The following C11orf65 variants were observed in gnomAD, a reference collection of about 807,000 sequenced individuals.
C11orf65 encodes the protein chromosome 11 open reading frame 65, also known as protein MFI.
C11orf65 carries 38 observed loss-of-function variants against 35.3 expected under a neutral mutation model. The ratio of observed to expected loss-of-function variants is 1.08; its 90% CI spans 0.83 to 1.41. The LOEUF is 1.41. Ranked by LOEUF, C11orf65 falls within the 40% of genes most tolerant of loss-of-function variation. The pLI, the probability that C11orf65 is intolerant of heterozygous loss-of-function variation, is 0.00. For synonymous variants in C11orf65, 105 were observed against 114.4 expected (o/e 0.92, Z 0.53); for missense variants, 370 against 367.1 (o/e 1.01, Z -0.06).
At position 108,377,451 on chromosome 11, in the gene C11orf65, C is replaced by G. The variant is rs1485687198; in HGVS notation, c.226+15757G>C. On this transcript the variant is annotated intron_variant, in intron 2 of 3. Transcript: ENST00000524755. Reference sequence around the variant, plus strand: ...AACAACCCTTCATGCTAAAAACTCTCAATAAATTAGGTATTGATGGGACGT... The same window carrying G: ...AACAACCCTTCATGCTAAAAACTCTGAATAAATTAGGTATTGATGGGACGT... Among the ~76,000 whole-genome samples, 1,043 of 152,232 alleles carry G rather than the reference C, an allele frequency of 6.9e-3. 16 individuals carry two copies. The highest frequency in any genetic ancestry group is 0.023 in the African/African-American group (949 of 41,518).
intron 2 of C11orf65, among the ~76,000 whole-genome samples, chr11:108,459,546 T>C (rs2093446152): frequency 6.6e-6 from 1 of 152,176 alleles, no homozygotes; most frequent in South Asian, 2.1e-4. Context: ...GAAATGTGTC[T>C]AGGCAAGTGT....
chr11:108,397,094 G>A (rs544876064), intron 6 of C11orf65, among the ~76,000 whole-genome samples: 18 of 152,002 alleles, frequency 1.2e-4, no homozygotes, highest in African/African-American at 4.3e-4. Flanking sequence ...GCAAAGGTGG[G>A]CAGGTCATGT....
chr11:108,369,771 A>G (rs1331421411), intron 2 of C11orf65, among the ~76,000 whole-genome samples: 2 of 152,138 alleles, frequency 1.3e-5, no homozygotes, highest in African/African-American at 4.8e-5. Context: ...TTGCTGCCTC[A>G]CTTGATATTT....
At chr11:108,366,783 T>G (rs945977607) in intron 2 of C11orf65, 2 of 230,470 alleles carry the variant, frequency 8.7e-6, no homozygotes, top group African/African-American at 2.2e-5. Context: ...CCTTTTTCAC[T>G]GAGAGTATAA....
chr11:108,438,245 T>A (rs537351227), intron 2 of C11orf65, among the ~76,000 whole-genome samples: 143 of 152,292 alleles, frequency 9.4e-4, no homozygotes, highest in Non-Finnish European at 3.2e-4. Flanking sequence ...TATGCAACAT[T>A]AAATCAAAAT....
chr11:108,421,475 G>T (rs893922716), intron 3 of C11orf65, among the ~76,000 whole-genome samples: 3 of 152,140 alleles, frequency 2.0e-5, no homozygotes, highest in African/African-American at 7.2e-5. Flanking sequence ...GACCAACATG[G>T]TGAAACCCTG....
chr11:108,393,289 A>G lies in C11orf65; in HGVS notation c.650T>C (p.Phe217Ser), dbSNP rs2092213077. Residue 217 changes from phenylalanine to serine, a missense_variant, in exon 7 of 9, where the codon TTT (phenylalanine) becomes TCT (serine). Transcript: ENST00000393084. ...CACAGAATCTATCCCCCCATCTTCA[A>G]AAGCTCTAATCAGCCCCTTTGTTGC... ...HTATKGLIRA[F>S]EDGGIDSVME... 3 of 1,614,110 alleles carry G rather than the reference A, an allele frequency of 1.9e-6. No homozygotes were observed. In the East Asian group the frequency reaches 6.7e-5, roughly 36 times the overall value.
At chr11:108,459,615 A>C (rs997094975) in intron 2 of C11orf65, among the ~76,000 whole-genome samples, 3 of 152,098 alleles carry the variant, frequency 2.0e-5, no homozygotes, top group African/African-American at 7.2e-5. Context: ...AAATTAGATA[A>C]AATTTTTATC....
intron 2 of C11orf65, among the ~76,000 whole-genome samples, chr11:108,453,243 A>C (rs2093373793): frequency 6.6e-6 from 1 of 152,056 alleles, no homozygotes; most frequent in South Asian, 2.1e-4. Flanking sequence ...ATCTTTAATC[A>C]ATCAAAATAA....
At chr11:108,427,825 C>CTTTTTT (rs1164726398) in intron 3 of C11orf65, among the ~76,000 whole-genome samples, 15 of 59,052 alleles carry the variant, frequency 2.5e-4, no homozygotes, top group South Asian at 8.6e-4. Context: ...GAATGGCAAT[C>CTTTTTT]TTTTTTTTTT....
chr11:108,317,479 C>T lies in C11orf65; in HGVS notation c.641-8408G>A, dbSNP rs1591790037. 4.3e-6 allele frequency: 7 copies of T among 1,611,032 alleles called. No individual in the cohort carries two copies. Among genetic ancestry groups the T allele is most frequent in the Non-Finnish European group, 5.9e-6 (7 of 1,179,210 alleles). Reference sequence around the variant, plus strand: ...GAACTAGAAGAACTTCATTACCAAGCAGCATGGAGGAATATGCAGTGGGAC... The same window carrying T: ...GAACTAGAAGAACTTCATTACCAAGTAGCATGGAGGAATATGCAGTGGGAC... On this transcript the variant is annotated intron_variant, in intron 6 of 6. Coordinates refer to the C11orf65 transcript ENST00000525729.
chr11:108,420,537 G>A (rs1216428947), intron 3 of C11orf65, among the ~76,000 whole-genome samples: 1 of 152,182 alleles, frequency 6.6e-6, no homozygotes, highest in Non-Finnish European at 1.5e-5. Flanking sequence ...CCTAGCATCA[G>A]GCAGTTCTTT....
intron 2 of C11orf65, among the ~76,000 whole-genome samples, chr11:108,459,872 G>A (rs1200201074): frequency 6.6e-6 from 1 of 152,178 alleles, no homozygotes; most frequent in Non-Finnish European, 1.5e-5. Flanking sequence ...AGTCAAAGGT[G>A]TGTGGCTGGT....
At chr11:108,329,007 G>T (rs1486032156), downstream of C11orf65, 1 of 1,605,662 alleles carries the variant, frequency 6.2e-7, no homozygotes, top group Non-Finnish European at 8.5e-7. Flanking sequence ...TAAATTGGTT[G>T]TGTTTTCTTG....
At chr11:108,312,957 A>G (rs968864483) in intron 6 of C11orf65, among the ~76,000 whole-genome samples, 5 of 152,206 alleles carry the variant, frequency 3.3e-5, no homozygotes. Context: ...TCATTCCTCC[A>G]CAATGACAAT....
In C11orf65 at chr11:108,347,332, G is replaced by T. The variant is rs771930635; in HGVS notation, c.227-12040C>A. 3 of 1,611,038 alleles carry T rather than the reference G, an allele frequency of 1.9e-6. No individual in the cohort carries two copies. In the South Asian group the frequency reaches 3.3e-5, roughly 18 times the overall value. ...ACATGTACAGAATATCTTGATAAAT[G>T]AGCAGTCAGCAGAACTTGTACATAT... On this transcript the variant is annotated intron_variant, in intron 2 of 3. Transcript: ENST00000524755.
intron 2 of C11orf65, among the ~76,000 whole-genome samples, chr11:108,447,491 C>G (rs886230684): frequency 6.6e-6 from 1 of 151,998 alleles, no homozygotes; most frequent in African/African-American, 2.4e-5. Flanking sequence ...CACTCAAAAC[C>G]GCTCAACTAC....
In C11orf65 at chr11:108,437,094, C is replaced by CAAA. The variant is rs34835160; in HGVS notation, c.82-5259_82-5257dup. Among the ~76,000 whole-genome samples the CAAA allele has an allele frequency of 6.7e-3, 482 of 72,294 alleles. 8 individuals are homozygous for CAAA. Among genetic ancestry groups the CAAA allele is most frequent in the South Asian group, 0.014 (23 of 1,604 alleles). The allele number at this position is 72,294 out of a possible 152,430, so 47.4% of individuals were successfully genotyped here. ...TCAACATATTAAGAACCCATTACGA[C>CAAA]AAAAAAAAAAAAAAAAGGGGGGGGG... On this transcript the variant is annotated intron_variant, in intron 2 of 8. Transcript: ENST00000393084.
chr11:108,444,637 C>A (rs2093220234), intron 2 of C11orf65, among the ~76,000 whole-genome samples: 1 of 152,108 alleles, frequency 6.6e-6, no homozygotes, highest in Non-Finnish European at 1.5e-5. Context: ...GCCAAGATGG[C>A]CGAATAGGAA....
Sources: allele counts gnomAD v4.1 joint callset (sites outside exome capture counted in the v4.1 genomes callset), GRCh38; gene constraint gnomAD v4.1.1; transcripts MANE v1.5; gene names NCBI Gene and HGNC (gene_info 2026-07-23, HGNC 2026-07-21).